The following SNTG1 variants were observed in gnomAD, a reference collection of about 807,000 sequenced individuals.
SNTG1 encodes gamma-1-syntrophin.
SNTG1 carries 39 observed loss-of-function variants against 74.7 expected under a neutral mutation model. That is an observed-to-expected ratio of 0.52 (90% CI 0.40 to 0.68). The LOEUF is 0.68. Ranked by LOEUF, SNTG1 falls within the 30% of genes least tolerant of loss-of-function variation. The pLI is 0.00. For missense variants in SNTG1, 685 were observed against 609.5 expected, an observed-to-expected ratio of 1.12 and a Z score of -1.30; for synonymous variants, 254 against 217.1, an observed-to-expected ratio of 1.17 and a Z score of -1.49.
chr8:50,690,323 C>A (rs2095372168), intron 15 of SNTG1, among the ~76,000 whole-genome samples: 1 of 152,064 alleles, frequency 6.6e-6, no homozygotes, highest in Non-Finnish European at 1.5e-5. Flanking sequence ...TTCTCTAGTT[C>A]TTTTAATTGT....
intron 2 of SNTG1, among the ~76,000 whole-genome samples, chr8:50,355,234 G>A (rs76585695): frequency 6.8e-6 from 1 of 146,916 alleles, no homozygotes; most frequent in East Asian, 1.9e-4. Context: ...TGAAACACTT[G>A]GAAATTAAAT....
chr8:49,930,010 A>C (rs1807416482), intron 1 of SNTG1, among the ~76,000 whole-genome samples: 1 of 152,062 alleles, frequency 6.6e-6, no homozygotes, highest in Admixed American at 6.5e-5. Context: ...CAACTAAAAC[A>C]AAACAAAACC....
intron 4 of SNTG1, among the ~76,000 whole-genome samples, chr8:50,425,796 T>C (rs1029179698): frequency 1.3e-5 from 2 of 152,150 alleles, no homozygotes; most frequent in African/African-American, 2.4e-5. Context: ...GTAAAAAATA[T>C]TGGAGGGTGA....
chr8:50,673,088 T>C (rs1412354346), intron 15 of SNTG1, among the ~76,000 whole-genome samples: 3 of 152,210 alleles, frequency 2.0e-5, no homozygotes, highest in Non-Finnish European at 2.9e-5. Flanking sequence ...AGCCTTGTAG[T>C]ATAGTTTGAA....
chr8:50,452,461 G>T (rs1187988067), intron 8 of SNTG1, among the ~76,000 whole-genome samples: 1 of 152,170 alleles, frequency 6.6e-6, no homozygotes, highest in Non-Finnish European at 1.5e-5. Context: ...ATTACCCAGG[G>T]AGTAAAACCA....
intron 4 of SNTG1, among the ~76,000 whole-genome samples, chr8:50,438,111 G>A (rs1287097380): frequency 2.6e-5 from 4 of 152,090 alleles, no homozygotes; most frequent in Non-Finnish European, 4.4e-5. Flanking sequence ...CTTAGCTCCC[G>A]AATTCCAGGC....
chr8:50,037,308 T>G (rs994460818), intron 1 of SNTG1, among the ~76,000 whole-genome samples: 64 of 152,332 alleles, frequency 4.2e-4, no homozygotes, highest in African/African-American at 1.5e-3. Context: ...AGGAATGATC[T>G]GAAGATTTTC....
At chr8:50,160,123 G>A (rs1430343802) in intron 1 of SNTG1, among the ~76,000 whole-genome samples, 2 of 152,198 alleles carry the variant, frequency 1.3e-5, no homozygotes, top group East Asian at 3.9e-4. Flanking sequence ...CATGCTCTTG[G>A]GCATTGCACT....
intron 17 of SNTG1, among the ~76,000 whole-genome samples, chr8:50,744,757 A>T (rs1342018003): frequency 6.6e-6 from 1 of 151,978 alleles, no homozygotes; most frequent in East Asian, 1.9e-4. Flanking sequence ...TGTATGGTAA[A>T]ATGATTTTCA....
intron 4 of SNTG1, among the ~76,000 whole-genome samples, chr8:50,409,306 A>T (rs1470402838): frequency 6.6e-6 from 1 of 152,206 alleles, no homozygotes; most frequent in Non-Finnish European, 1.5e-5. Flanking sequence ...CAACGCATTT[A>T]CTGTGACTTC....
chr8:50,752,057 G>A lies in SNTG1; in HGVS notation c.1341G>A (p.Lys447=). The change falls in exon 18 of 19, where the codon AAG becomes AAA. Residue 447 remains lysine, a synonymous_variant. Transcript: ENST00000642720. Reference sequence around the variant, plus strand: ...TTAAAGGTTCTTCAGATGATGGCAAGAGCAAAATCAAATTTTTGTTTCAGA... The same window carrying A: ...TTAAAGGTTCTTCAGATGATGGCAAAAGCAAAATCAAATTTTTGTTTCAGA... ...SQLKGSSDDG[K]SKIKFLFQNP... is the part of the protein sequence containing the mutation. The A allele has an allele frequency of 6.4e-7, 1 of 1,566,578 alleles. No individual in the cohort carries two copies. Among genetic ancestry groups the A allele is most frequent in the Non-Finnish European group, 8.6e-7 (1 of 1,160,320 alleles).
intron 2 of SNTG1, among the ~76,000 whole-genome samples, chr8:50,214,402 G>A (rs2084675670): frequency 6.7e-6 from 1 of 150,372 alleles, no homozygotes; most frequent in Admixed American, 6.6e-5. Context: ...AAAACCTAAA[G>A]TATAATAATA....
Position 50,325,933 on chromosome 8 carries a change from T to C in SNTG1, c.-27-68279T>C, listed in dbSNP as rs539152480. Among the ~76,000 whole-genome samples, 30 of 152,058 alleles carry C rather than the reference T, an allele frequency of 2.0e-4. No individual in the cohort carries two copies. The South Asian group carries it at 4.0e-3, about 20-fold the overall frequency. On this transcript the variant is annotated intron_variant, in intron 2 of 18. Transcript: ENST00000642720. ...ATTTCTAGCTTGCTGAGAGTTTTCT[T>C]CATGAACAGATGTTAAATTTTATCA...
At chr8:50,635,778 C>G (rs1332275073) in intron 13 of SNTG1, among the ~76,000 whole-genome samples, 1 of 152,152 alleles carries the variant, frequency 6.6e-6, no homozygotes, top group East Asian at 1.9e-4. Flanking sequence ...ACTTGATGCT[C>G]TAACCCCTGT....
intron 12 of SNTG1, among the ~76,000 whole-genome samples, chr8:50,571,922 G>T (rs2094551089): frequency 6.6e-6 from 1 of 152,086 alleles, no homozygotes; most frequent in South Asian, 2.1e-4. Context: ...GAGCTTCAAA[G>T]CCAAGGACCC....
intron 13 of SNTG1, among the ~76,000 whole-genome samples, chr8:50,642,389 C>G (rs551409049): frequency 3.9e-5 from 6 of 152,294 alleles, no homozygotes; most frequent in Non-Finnish European, 7.3e-5. Flanking sequence ...TGTCTCTCCT[C>G]TGTTCAAACC....
chr8:50,024,589 C>A (rs1417122757), intron 1 of SNTG1, among the ~76,000 whole-genome samples: 1 of 152,098 alleles, frequency 6.6e-6, no homozygotes, highest in Non-Finnish European at 1.5e-5. Flanking sequence ...TTGGACACTG[C>A]CAAATGCTCT....
chr8:50,675,823 T>G (rs890370045), intron 15 of SNTG1, among the ~76,000 whole-genome samples: 4 of 152,134 alleles, frequency 2.6e-5, no homozygotes, highest in African/African-American at 9.7e-5. Flanking sequence ...ATTTTGTGCT[T>G]CTTTTGGGAG....
intron 12 of SNTG1, among the ~76,000 whole-genome samples, chr8:50,576,250 T>C (rs2094576248): frequency 6.6e-6 from 1 of 152,188 alleles, no homozygotes; most frequent in African/African-American, 2.4e-5. Flanking sequence ...TTTTTTCCAT[T>C]GAGTGGTTTT....
Sources: allele counts gnomAD v4.1 joint callset (sites outside exome capture counted in the v4.1 genomes callset), GRCh38; gene constraint gnomAD v4.1.1; transcripts MANE v1.5; gene names NCBI Gene and HGNC (gene_info 2026-07-23, HGNC 2026-07-21).